The following OPRM1 variants were observed in gnomAD, a reference collection of about 807,000 sequenced individuals.
OPRM1 encodes the protein opioid receptor mu 1, also known as mu-type opioid receptor.
OPRM1 carries 27 observed loss-of-function variants against 31.8 expected under a neutral mutation model. The ratio of observed to expected loss-of-function variants is 0.85; its 90% CI spans 0.63 to 1.17. The LOEUF is 1.17. OPRM1 is among the 50% of genes most tolerant of loss of function. OPRM1 has a pLI of 0.00. For synonymous variants in OPRM1, 196 were observed against 189.9 expected (o/e 1.03, Z -0.26); for missense variants, 536 against 511.1 (o/e 1.05, Z -0.47).
intron 3 of OPRM1, among the ~76,000 whole-genome samples, chr6:154,196,333 A>C (rs1324619613): frequency 6.6e-6 from 1 of 152,186 alleles, no homozygotes; most frequent in Non-Finnish European, 1.5e-5. Flanking sequence ...ATATTTTTTA[A>C]ATCCTAAAAT....
At chr6:154,090,881 T>C (rs1791970479) in intron 2 of OPRM1, 71 bp from the exon 3 acceptor site, 2 of 1,353,086 alleles carry the variant, frequency 1.5e-6, no homozygotes, top group East Asian at 4.6e-5. Context: ...ATGAGCAAAA[T>C]GGCAGTATTA....
At chr6:154,179,986 C>CA (rs1274413560) in intron 3 of OPRM1, among the ~76,000 whole-genome samples, 1 of 152,178 alleles carries the variant, frequency 6.6e-6, no homozygotes, top group East Asian at 1.9e-4. Context: ...CTTTGAGTAG[C>CA]AAGGCCAGCC....
At chr6:154,190,085 A>G (rs1242108837) in intron 3 of OPRM1, among the ~76,000 whole-genome samples, 1 of 152,190 alleles carries the variant, frequency 6.6e-6, no homozygotes, top group Admixed American at 6.5e-5. Context: ...TTCTGCTCTC[A>G]TGTACTTCCT....
At chr6:154,207,618 G>C (rs530453952) in intron 3 of OPRM1, among the ~76,000 whole-genome samples, 1 of 152,026 alleles carries the variant, frequency 6.6e-6, no homozygotes, top group Non-Finnish European at 1.5e-5. Context: ...GCCCAGGCTG[G>C]TCTTGAACTC....
intron 1 of OPRM1, among the ~76,000 whole-genome samples, chr6:154,082,880 T>C (rs1346589061): frequency 1.3e-5 from 2 of 152,158 alleles, no homozygotes; most frequent in Non-Finnish European, 2.9e-5. Context: ...AAGCCACAGA[T>C]AGGAATATTT....
At chr6:154,063,545 G>A (rs1018308141) in intron 1 of OPRM1, among the ~76,000 whole-genome samples, 2 of 151,678 alleles carry the variant, frequency 1.3e-5, no homozygotes, top group African/African-American at 4.8e-5. Context: ...CAATTCAGTG[G>A]TCTGAAGTAC....
intron 1 of OPRM1, among the ~76,000 whole-genome samples, chr6:154,066,421 G>A (rs1005132993): frequency 6.6e-6 from 1 of 151,902 alleles, no homozygotes; most frequent in Non-Finnish European, 1.5e-5. Flanking sequence ...ATTGGGAGAT[G>A]TTTTTATTAC....
chr6:154,090,008 T>C lies in OPRM1; in HGVS notation c.473T>C (p.Phe158Ser). ...IDYYNMFTSI[F>S]TLCTMSVDRY... ...TACTATAACATGTTCACCAGCATAT[T>C]CACCCTCTGCACCATGAGTGTTGAT... Residue 158 changes from phenylalanine (F) to serine (S), a missense_variant, in exon 2 of 4, where the codon TTC (phenylalanine) becomes TCC (serine). Phe to Ser is a radical substitution (Grantham distance 155, BLOSUM62 -2). Transcript: ENST00000330432. 1 of 1,614,184 alleles carries C rather than the reference T, an allele frequency of 6.2e-7. No individual in the cohort carries two copies. The highest frequency in any genetic ancestry group is 8.5e-7 in the Non-Finnish European group (1 of 1,180,012).
intron 3 of OPRM1, among the ~76,000 whole-genome samples, chr6:154,178,247 C>T (rs192422621): frequency 6.6e-6 from 1 of 152,082 alleles, no homozygotes; most frequent in Non-Finnish European, 1.5e-5. Flanking sequence ...ATGTAACAAA[C>T]CTGCACGTTG....
chr6:154,091,134 A>T lies in OPRM1; in HGVS notation c.826A>T (p.Asn276Tyr), dbSNP rs1315094076. Residue 276 changes from asparagine to tyrosine, a missense_variant, in exon 3 of 4, where the codon AAT becomes TAT. Physicochemically the swap from Asn to Tyr is moderately radical, Grantham distance 143 (BLOSUM62 -2). Coordinates refer to ENST00000330432, the MANE Select transcript of OPRM1 (RefSeq NM_000914.5). ...MLSGSKEKDRNLRRITRMVLV... is the reference protein window; with the variant it reads ...MLSGSKEKDRYLRRITRMVLV... ...CTCTGGCTCCAAAGAAAAGGACAGG[A>T]ATCTTCGAAGGATCACCAGGATGGT... The T allele has an allele frequency of 3.7e-6, 6 of 1,614,060 alleles. No homozygotes were observed. The highest frequency in any genetic ancestry group is 5.1e-6 in the Non-Finnish European group (6 of 1,180,030).
chr6:154,127,100 T>A lies in OPRM1; in HGVS notation c.*8379T>A, dbSNP rs1222322448. On this transcript the variant is annotated 3_prime_UTR_variant, in exon 4 of 4. Transcript: ENST00000330432. ...CTCCAGCCTGGGCAACAGAATGAGA[T>A]TGTCTCAAAAAAAAAAAAAAGTGCC... is the stretch of plus-strand genomic sequence containing the variant. Among the ~76,000 whole-genome samples, 1 of 57,716 alleles carries A rather than the reference T, an allele frequency of 1.7e-5. No individual in the cohort carries two copies. Among genetic ancestry groups the A allele is most frequent in the African/African-American group, 7.3e-5 (1 of 13,746 alleles). 37.9% of individuals were successfully genotyped at this position (57,716 alleles called of 152,430 possible).
chr6:154,025,198 C>A (rs1778625035), intron 1 of OPRM1, among the ~76,000 whole-genome samples: 1 of 151,888 alleles, frequency 6.6e-6, no homozygotes, highest in Non-Finnish European at 1.5e-5. Flanking sequence ...TATCGGGGTG[C>A]CCAATGTTGG....
intron 3 of OPRM1, among the ~76,000 whole-genome samples, chr6:154,246,082 T>C (rs1727080646): frequency 6.6e-6 from 1 of 152,064 alleles, no homozygotes; most frequent in African/African-American, 2.4e-5. Flanking sequence ...GGGTTAGCGA[T>C]TCCAAACCAA....
chr6:154,045,119 G>C (rs958697555), intron 1 of OPRM1, among the ~76,000 whole-genome samples: 12 of 151,940 alleles, frequency 7.9e-5, no homozygotes, highest in Non-Finnish European at 1.6e-4. Context: ...CCAACTACTG[G>C]GGAGGCTGAG....
At chr6:154,110,406 G>A in intron 3 of OPRM1, 1 of 1,507,822 alleles carries the variant, frequency 6.6e-7, no homozygotes, top group South Asian at 1.2e-5. Flanking sequence ...GCATACCAAG[G>A]GCTAATAATT....
intron 3 of OPRM1, among the ~76,000 whole-genome samples, chr6:154,152,338 A>AAGAAAG (rs1562510643): frequency 1.5e-4 from 3 of 19,446 alleles, no homozygotes; most frequent in South Asian, 2.0e-3. Context: ...AAAGAAAGAA[A>AAGAAAG]GAAAGAAAGG....
intron 3 of OPRM1, among the ~76,000 whole-genome samples, chr6:154,143,838 T>G (rs547596721): frequency 5.3e-4 from 81 of 151,704 alleles, no homozygotes; most frequent in African/African-American, 1.9e-3. Flanking sequence ...ACACACAAAT[T>G]GAAAACAGAA....
At chr6:154,021,229 G>A (rs1310446060) in intron 1 of OPRM1, among the ~76,000 whole-genome samples, 1 of 152,152 alleles carries the variant, frequency 6.6e-6, no homozygotes, top group East Asian at 1.9e-4. Flanking sequence ...TTTCTCCGCT[G>A]TATTCCCTTT....
chr6:154,065,277 G>A (rs917976016), intron 1 of OPRM1, among the ~76,000 whole-genome samples: 3 of 151,072 alleles, frequency 2.0e-5, no homozygotes, highest in African/African-American at 7.3e-5. Flanking sequence ...ACCCTCCCAA[G>A]TAGCTGGGAC....
Sources: allele counts gnomAD v4.1 joint callset (sites outside exome capture counted in the v4.1 genomes callset), GRCh38; gene constraint gnomAD v4.1.1; transcripts MANE v1.5; gene names NCBI Gene and HGNC (gene_info 2026-07-23, HGNC 2026-07-21).